APLF: variants seen among roughly 807,000 people sequenced by gnomAD.
The protein encoded by APLF is aprataxin and PNKP like factor.
APLF carries 61 observed loss-of-function variants against 55.6 expected under a neutral mutation model. That is an observed-to-expected ratio of 1.10 (90% CI 0.89 to 1.36). APLF has a LOEUF of 1.36. Ranked by LOEUF, APLF falls within the 40% of genes most tolerant of loss-of-function variation. The pLI, the probability that APLF is intolerant of heterozygous loss-of-function variation, is 0.00. For synonymous variants in APLF, 207 were observed against 214.8 expected (o/e 0.96, Z 0.32); for missense variants, 611 against 602.5 (o/e 1.01, Z -0.15).
At position 68,494,277 on chromosome 2, in the gene APLF, C is replaced by CAAA. The variant is rs59466460; in HGVS notation, c.168+4039_168+4041dup. Among the ~76,000 whole-genome samples the CAAA allele has an allele frequency of 4.0e-3, 197 of 49,440 alleles. 4 individuals carry two copies. The highest frequency in any genetic ancestry group is 8.3e-3 in the African/African-American group (131 of 15,822). The allele number at this position is 49,440 out of a possible 152,430, so 32.4% of individuals were successfully genotyped here. A position where few individuals can be genotyped will look rare whatever the true frequency, so the allele number is the denominator to read the frequency against. On this transcript the variant is annotated intron_variant, in intron 2 of 9. Transcript: ENST00000303795. The stretch of plus-strand genomic sequence containing the variant: ...TAGGAGACAGAGTGAGACCCCGTCT[C>CAAA]AAAAAAAAAAAAAAAAAAAAAAAAA...
At chr2:68,481,364 T>TTTGTC (rs1675950872) in intron 1 of APLF, among the ~76,000 whole-genome samples, 1 of 147,162 alleles carries the variant, frequency 6.8e-6, no homozygotes, top group South Asian at 2.1e-4. Flanking sequence ...GGCTGGCAGT[T>TTTGTC]TTGTTTTGTT....
chr2:68,545,144 A>G, intron 7 of APLF, 43 bp from the exon 8 acceptor site: 2 of 1,597,918 alleles, frequency 1.3e-6, no homozygotes, highest in Admixed American at 1.7e-5. Context: ...AATCTAGAAT[A>G]TCCTATTTTT....
chr2:68,569,218 A>T (rs1671387872), intron 9 of APLF, among the ~76,000 whole-genome samples: 1 of 152,104 alleles, frequency 6.6e-6, no homozygotes, highest in South Asian at 2.1e-4. Flanking sequence ...AATTGTGGTT[A>T]TGGGAACCAG....
intron 6 of APLF, chr2:68,531,338 C>T (rs1379541239): frequency 6.6e-6 from 1 of 152,172 alleles, no homozygotes. Flanking sequence ...TCTGTGGATC[C>T]CTGTCTTAGT....
chr2:68,561,212 CTACTT>C (rs567066758), intron 8 of APLF, among the ~76,000 whole-genome samples: 44 of 152,202 alleles, frequency 2.9e-4, no homozygotes, highest in Non-Finnish European at 3.4e-4. Context: ...TTTATACACA[CTACTT>C]TAACCCTTGG....
At chr2:68,519,177 T>TATTTATAATATATATA (rs1206090508) in intron 5 of APLF, among the ~76,000 whole-genome samples, 4 of 138,218 alleles carry the variant, frequency 2.9e-5, no homozygotes, top group Admixed American at 7.7e-5. Context: ...ATTGGACCAA[T>TATTTATAATATATATA]GTGACTATAT....
intron 8 of APLF, among the ~76,000 whole-genome samples, chr2:68,549,364 G>C (rs933085827): frequency 6.6e-6 from 1 of 151,894 alleles, no homozygotes; most frequent in Non-Finnish European, 1.5e-5. Flanking sequence ...AAAGTTGCCT[G>C]GTCCTTTGAA....
chr2:68,565,825 A>G (rs1048041817), intron 8 of APLF, among the ~76,000 whole-genome samples: 12 of 152,126 alleles, frequency 7.9e-5, no homozygotes, highest in Admixed American at 6.6e-4. Flanking sequence ...AAAGGAATTT[A>G]TAAGTGGAAA....
intron 6 of APLF, among the ~76,000 whole-genome samples, chr2:68,532,424 G>A (rs1034927132): frequency 1.3e-5 from 2 of 152,122 alleles, no homozygotes; most frequent in African/African-American, 2.4e-5. Context: ...TGGAGCCTGT[G>A]CATCAGTGGT....
At chr2:68,577,539 C>G (rs1671656950) in intron 9 of APLF, among the ~76,000 whole-genome samples, 1 of 152,108 alleles carries the variant, frequency 6.6e-6, no homozygotes, top group African/African-American at 2.4e-5. Context: ...ATACATTCTA[C>G]CACATGGGAA....
At chr2:68,505,937 T>C (rs1025321075) in intron 3 of APLF, among the ~76,000 whole-genome samples, 1 of 151,942 alleles carries the variant, frequency 6.6e-6, no homozygotes, top group African/African-American at 2.4e-5. Context: ...CTAATCATGA[T>C]TGGTTTTCCT....
At chr2:68,519,708 A>G (rs544053829) in intron 5 of APLF, among the ~76,000 whole-genome samples, 2 of 150,960 alleles carry the variant, frequency 1.3e-5, no homozygotes, top group East Asian at 1.9e-4. Context: ...TTCTTTATCT[A>G]CTCATTGACT....
intron 8 of APLF, among the ~76,000 whole-genome samples, chr2:68,555,019 A>G (rs1025244073): frequency 6.6e-6 from 1 of 152,048 alleles, no homozygotes; most frequent in Non-Finnish European, 1.5e-5. Context: ...CTTACAGCCA[A>G]CTGATCTTCA....
chr2:68,575,835 A>G (rs1417977857), intron 9 of APLF, among the ~76,000 whole-genome samples: 1 of 152,182 alleles, frequency 6.6e-6, no homozygotes, highest in African/African-American at 2.4e-5. Flanking sequence ...AAGTCATCCA[A>G]GTACAGATAA....
rs1670142706 is a variant in APLF, at chr2:68,528,373, C to G, written c.804+2131C>G. 4.6e-6 allele frequency: 7 copies of G among 1,533,682 alleles called. No individual in the cohort carries two copies. In the Admixed American group the frequency reaches 1.2e-4, roughly 26 times the overall value. ...CTTCTCTTTGGGAAGCCTGACCCAC[C>G]AACAGTGCCTCAGGAGATAGACATG... On this transcript the variant is annotated intron_variant, in intron 6 of 9. Transcript: ENST00000303795.
At chr2:68,531,439 C>T (rs1670253295) in intron 6 of APLF, 1 of 152,124 alleles carries the variant, frequency 6.6e-6, no homozygotes, top group Admixed American at 6.5e-5. Context: ...GGTTAGTCTT[C>T]GAATATATTC....
intron 5 of APLF, chr2:68,515,819 T>C: frequency 1.2e-6 from 1 of 845,892 alleles, no homozygotes; most frequent in Non-Finnish European, 1.4e-6. Flanking sequence ...AAAGACAGTT[T>C]AGTACTTTAG....
At chr2:68,497,441 C>T (rs890685236) in intron 2 of APLF, among the ~76,000 whole-genome samples, 1 of 152,046 alleles carries the variant, frequency 6.6e-6, no homozygotes, top group Admixed American at 6.6e-5. Flanking sequence ...TGTAGCACCT[C>T]CCCCTTCTCT....
intron 2 of APLF, among the ~76,000 whole-genome samples, chr2:68,494,492 T>G (rs1269332812): frequency 6.6e-6 from 1 of 151,654 alleles, no homozygotes; most frequent in Admixed American, 6.6e-5. Context: ...ACACACTTTT[T>G]TTTTTCTTCG....
Sources: allele counts gnomAD v4.1 joint callset (sites outside exome capture counted in the v4.1 genomes callset), GRCh38; gene constraint gnomAD v4.1.1; transcripts MANE v1.5; gene names NCBI Gene and HGNC (gene_info 2026-07-23, HGNC 2026-07-21).